The following MPRIP variants were observed in gnomAD, a reference collection of about 807,000 sequenced individuals.
The protein encoded by MPRIP is myosin phosphatase Rho interacting protein.
MPRIP carries 59 observed loss-of-function variants against 234.9 expected under a neutral mutation model. The observed-to-expected ratio is 0.25, with a 90% CI of 0.20 to 0.31. MPRIP has a LOEUF of 0.31. Among genes scored for constraint, MPRIP ranks in the 10% least tolerant of loss-of-function variants. The probability of loss-of-function intolerance (pLI) is 1.00; values close to 1 mark genes in which losing one functional copy is unlikely to be tolerated. For missense variants in MPRIP, 2,436 were observed against 3,071.0 expected (o/e 0.79, Z 4.89); for synonymous variants, 1,144 against 1,263.9 (o/e 0.91, Z 2.01).
At chr17:17,098,318 G>A (rs1404203772) in intron 3 of MPRIP, among the ~76,000 whole-genome samples, 1 of 152,142 alleles carries the variant, frequency 6.6e-6, no homozygotes, top group East Asian at 1.9e-4. Context: ...AATTGGGACT[G>A]GAATTGTTTC....
rs1171030119 is a variant in MPRIP, at chr17:17,190,769, G to A, written c.*5875G>A. 2 of 152,184 alleles carry A rather than the reference G, an allele frequency of 1.3e-5. No individual in the cohort carries two copies. The highest frequency in any genetic ancestry group is 2.4e-5 in the African/African-American group (1 of 41,442). 9.4% of individuals were successfully genotyped at this position (152,184 alleles called of 1,614,324 possible). ...TTCTGTCTGAACACGTCTTGGGTCC[G>A]AGTCCTTAGGTGTTCGGATGCAGTA... On this transcript the variant is annotated 3_prime_UTR_variant, in exon 24 of 24. Transcript: ENST00000651222.
Position 17,150,211 on chromosome 17 carries a change from G to A in MPRIP, c.1697G>A (p.Arg566Lys). Residue 566 changes from arginine to lysine, a missense_variant, in exon 12 of 24, where the codon AGA (arginine) becomes AAA (lysine). Arg to Lys is a conservative substitution (Grantham distance 26). Coordinates refer to ENST00000651222, the MANE Select transcript of MPRIP (RefSeq NM_001364716.4). ...GATGTCACAGAGTATCCAGTTCAGA[G>A]AAACTATGGCTTCCAGATACATGTG... ...CYDVTEYPVQ[R>K]NYGFQIHTKE... 1 of 1,613,482 alleles carries A rather than the reference G, an allele frequency of 6.2e-7. No homozygotes were observed. Among genetic ancestry groups the A allele is most frequent in the African/African-American group, 1.3e-5 (1 of 75,026 alleles).
At chr17:17,150,359 C>G (rs2045574255) in intron 12 of MPRIP, 126 bp downstream of exon 12, 3 of 671,370 alleles carry the variant, frequency 4.5e-6, no homozygotes, top group Non-Finnish European at 7.9e-6. Context: ...AGCACTTAGT[C>G]TTTCCCACTA....
chr17:17,126,046 G>A (rs890658169), intron 3 of MPRIP, among the ~76,000 whole-genome samples: 1 of 152,120 alleles, frequency 6.6e-6, no homozygotes, highest in African/African-American at 2.4e-5. Context: ...TGCCTCAGTA[G>A]GGATTTCTTA....
chr17:17,043,690 G>C (rs1190377207), intron 1 of MPRIP, among the ~76,000 whole-genome samples: 1 of 152,230 alleles, frequency 6.6e-6, no homozygotes, highest in Non-Finnish European at 1.5e-5. Context: ...CCGCCCTGGA[G>C]TGACTGGGGA....
At chr17:17,135,188 G>A (rs541367881) in intron 5 of MPRIP, among the ~76,000 whole-genome samples, 5 of 152,370 alleles carry the variant, frequency 3.3e-5, no homozygotes, top group Non-Finnish European at 7.3e-5. Context: ...CCCTGCTGTT[G>A]CCTGGATTCT....
chr17:17,076,627 A>G (rs2089335343), intron 2 of MPRIP, among the ~76,000 whole-genome samples: 2 of 152,178 alleles, frequency 1.3e-5, no homozygotes, highest in African/African-American at 4.8e-5. Context: ...AAACATGTTC[A>G]GGTGGCCTCC....
In MPRIP at chr17:17,185,992, C is replaced by T. The variant is rs1448105349; in HGVS notation, c.*1098C>T. On this transcript the variant is annotated 3_prime_UTR_variant, in exon 24 of 24. Transcript: ENST00000651222. ...AAGTAAACCTATACTAACAATTTTG[C>T]TTTTTCTAACAGTTTGAGGAAGACC... 6.4e-6 allele frequency: 1 copy of T among 155,432 alleles called. No homozygotes were observed. The highest frequency in any genetic ancestry group is 2.4e-5 in the African/African-American group (1 of 41,432). 9.6% of individuals were successfully genotyped at this position (155,432 alleles called of 1,614,324 possible). A position where few individuals can be genotyped will look rare whatever the true frequency, so the allele number is the denominator to read the frequency against.
intron 3 of MPRIP, among the ~76,000 whole-genome samples, chr17:17,121,294 A>G (rs2090383590): frequency 1.3e-5 from 2 of 152,258 alleles, no homozygotes; most frequent in South Asian, 4.1e-4. Flanking sequence ...TACAGCATAT[A>G]CTGCAATATC....
chr17:17,167,949 C>G lies in MPRIP; in HGVS notation c.6324+34C>G. 1 of 1,276,248 alleles carries G rather than the reference C, an allele frequency of 7.8e-7. No individual in the cohort carries two copies. The highest frequency in any genetic ancestry group is 1.0e-6 in the Non-Finnish European group (1 of 974,300). 79.1% of individuals were successfully genotyped at this position (1,276,248 alleles called of 1,614,324 possible). On this transcript the variant is annotated intron_variant, in intron 16 of 23. Coordinates refer to ENST00000651222, the MANE Select transcript of MPRIP (RefSeq NM_001364716.4). The surrounding 1 kb of genome is among the most constrained non-coding windows in gnomAD (Gnocchi z 5.9). ...GCCCCATTCAATTTGCAGAGCAGAT[C>G]TTCCTTGATAATGGGGTGGGTGTGG...
At chr17:17,133,429 T>G (rs11078374) in intron 5 of MPRIP, among the ~76,000 whole-genome samples, 116,449 of 152,112 alleles carry the variant, frequency 0.77, 44,867 homozygotes, top group East Asian at 0.99. Flanking sequence ...GGATCTTTGG[T>G]CAGGCCTCCC....
rs1336280125 is a variant in MPRIP at position 17,166,145 on chromosome 17, C to G, written c.4554C>G (p.Ala1518=). ...GTGCACTCGTCAGCGCCATCCAAGCCCTGCAGCACTGGCCGGCCCCAGCCC... is the reference window on the plus strand; with the variant it reads ...GTGCACTCGTCAGCGCCATCCAAGCGCTGCAGCACTGGCCGGCCCCAGCCC... The part of the protein sequence containing the change: ...VESALVSAIQ[A]LQHWPAPAHG... Residue 1518 remains alanine (A), a synonymous_variant, in exon 16 of 24, where the codon GCC becomes GCG. Transcript: ENST00000651222. This position sits in a 1 kb window ranked among gnomAD's most constrained non-coding sequence, Gnocchi z 4.4. 1 of 1,302,002 alleles carries G rather than the reference C, an allele frequency of 7.7e-7. No individual in the cohort carries two copies. Among genetic ancestry groups the G allele is most frequent in the Non-Finnish European group, 1.0e-6 (1 of 987,732 alleles). 80.7% of individuals were successfully genotyped at this position (1,302,002 alleles called of 1,614,324 possible).
At chr17:17,111,954 C>T (rs1941831154) in intron 3 of MPRIP, among the ~76,000 whole-genome samples, 1 of 152,134 alleles carries the variant, frequency 6.6e-6, no homozygotes, top group African/African-American at 2.4e-5. Flanking sequence ...GAAGGGCAAC[C>T]GTCCAGGCCA....
At position 17,136,130 on chromosome 17, in the gene MPRIP, G is replaced by A; in HGVS notation, c.505-89G>A. On this transcript the variant is annotated intron_variant, in intron 5 of 23. Coordinates refer to ENST00000651222, the MANE Select transcript of MPRIP (RefSeq NM_001364716.4). ...CTGACATTGTGTAGCTGGCCCGGGTGCCCCCTATAGCTAGGCAGCCAGGAC... is the reference window on the plus strand; with the variant it reads ...CTGACATTGTGTAGCTGGCCCGGGTACCCCCTATAGCTAGGCAGCCAGGAC... The A allele has an allele frequency of 2.2e-6, 3 of 1,390,956 alleles. No homozygotes were observed. In the South Asian group the frequency reaches 3.6e-5, roughly 17 times the overall value. The allele number at this position is 1,390,956 out of a possible 1,614,324, so 86.2% of individuals were successfully genotyped here.
At chr17:17,180,644 C>G in intron 23 of MPRIP, 2 of 1,614,068 alleles carry the variant, frequency 1.2e-6, no homozygotes, top group Non-Finnish European at 1.7e-6. Context: ...ACCTGAAATG[C>G]ACCCGCTTCC....
At chr17:17,130,171 C>T (rs1043563385) in intron 4 of MPRIP, among the ~76,000 whole-genome samples, 3 of 152,184 alleles carry the variant, frequency 2.0e-5, no homozygotes, top group African/African-American at 7.2e-5. Flanking sequence ...GCATCACTGG[C>T]TGTGGGCTGA....
intron 9 of MPRIP, 50 bp from the exon 10 acceptor site, chr17:17,145,986 T>C: frequency 6.4e-7 from 1 of 1,567,588 alleles, no homozygotes; most frequent in South Asian, 1.1e-5. Context: ...CAGACACTCA[T>C]GACACTAGAA....
At chr17:17,061,399 A>AATAAT (rs2143929417) in intron 1 of MPRIP, among the ~76,000 whole-genome samples, 1 of 152,376 alleles carries the variant, frequency 6.6e-6, no homozygotes, top group South Asian at 2.1e-4. Context: ...ATTTGCTGTG[A>AATAAT]GTGTGGAAGT....
intron 16 of MPRIP, 130 bp from the exon 17 acceptor site, chr17:17,171,588 G>T: frequency 1.7e-6 from 2 of 1,211,368 alleles, no homozygotes; most frequent in East Asian, 2.3e-5. Flanking sequence ...GCCCATGGTG[G>T]AGCAAGCTCA....
Sources: gnomAD v4.1 joint callset for allele counts (sites outside exome capture counted in the v4.1 genomes callset) on GRCh38, gnomAD v4.1.1 for gene constraint, Gnocchi (gnomAD v3.1) non-coding constraint, MANE v1.5 for transcripts, NCBI Gene and HGNC (gene_info 2026-07-23, HGNC 2026-07-21) for gene names.